XKR4: variants seen among roughly 807,000 people sequenced by gnomAD.
XKR4 encodes XK-related protein 4.
XKR4 carries 12 observed loss-of-function variants against 53.9 expected under a neutral mutation model. The ratio of observed to expected loss-of-function variants is 0.22; its 90% CI spans 0.14 to 0.36. XKR4 has a LOEUF of 0.36. Among genes scored for constraint, XKR4 ranks in the 10% least tolerant of loss-of-function variants. The pLI is 1.00. For synonymous variants in XKR4, 354 were observed against 362.4 expected, an observed-to-expected ratio of 0.98 and a Z score of 0.26; for missense variants, 799 against 859.5, an observed-to-expected ratio of 0.93 and a Z score of 0.88.
intron 1 of XKR4, among the ~76,000 whole-genome samples, chr8:55,121,933 C>T (rs1007707323): frequency 3.9e-5 from 6 of 152,086 alleles, no homozygotes; most frequent in Non-Finnish European, 8.8e-5. Context: ...CTGATTCACT[C>T]ACCTCTGCTC....
chr8:55,409,909 T>C (rs1804750114), intron 2 of XKR4, among the ~76,000 whole-genome samples: 1 of 152,188 alleles, frequency 6.6e-6, no homozygotes, highest in African/African-American at 2.4e-5. Flanking sequence ...TTAAATACTT[T>C]TGCTGTAGCA....
intron 1 of XKR4, chr8:55,140,104 C>T: frequency 2.4e-6 from 1 of 417,706 alleles, no homozygotes; most frequent in Non-Finnish European, 4.7e-6. Flanking sequence ...TAAGAGTTTA[C>T]CAGGTGAATT....
At chr8:55,195,494 G>A (rs574789420) in intron 1 of XKR4, among the ~76,000 whole-genome samples, 1 of 98,058 alleles carries the variant, frequency 1.0e-5, no homozygotes, top group African/African-American at 3.4e-5. Flanking sequence ...TTATTAGCCT[G>A]AAATACAGTA....
chr8:55,476,844 G>T (rs1239803535), intron 2 of XKR4, among the ~76,000 whole-genome samples: 2 of 152,100 alleles, frequency 1.3e-5, no homozygotes, highest in Admixed American at 6.5e-5. Flanking sequence ...GAGGCTGGGG[G>T]AGGGGCACCT....
At chr8:55,458,276 A>T (rs1805599780) in intron 2 of XKR4, among the ~76,000 whole-genome samples, 1 of 152,216 alleles carries the variant, frequency 6.6e-6, no homozygotes, top group Non-Finnish European at 1.5e-5. Flanking sequence ...TGGCTTGTTT[A>T]CTCAGCCCAC....
At chr8:55,174,378 T>A (rs1817202775) in intron 1 of XKR4, among the ~76,000 whole-genome samples, 1 of 152,190 alleles carries the variant, frequency 6.6e-6, no homozygotes, top group Non-Finnish European at 1.5e-5. Context: ...AGCTGTTTTT[T>A]CTGCATCCTG....
chr8:55,504,478 G>A (rs1413134676), intron 2 of XKR4, among the ~76,000 whole-genome samples: 2 of 152,024 alleles, frequency 1.3e-5, no homozygotes, highest in East Asian at 1.9e-4. Context: ...GCCTCCCAAA[G>A]TGTTGGGATT....
At chr8:55,248,834 A>G (rs886129767) in intron 1 of XKR4, among the ~76,000 whole-genome samples, 3 of 152,048 alleles carry the variant, frequency 2.0e-5, no homozygotes, top group Non-Finnish European at 2.9e-5. Flanking sequence ...TCCCAGGGCA[A>G]TGTGACATCC....
chr8:55,504,591 C>T (rs1806496323), intron 2 of XKR4, among the ~76,000 whole-genome samples: 1 of 152,012 alleles, frequency 6.6e-6, no homozygotes, highest in Non-Finnish European at 1.5e-5. Flanking sequence ...GAATTGTTCC[C>T]TTCTTTTCAG....
intron 2 of XKR4, chr8:55,451,473 C>T: frequency 2.4e-6 from 3 of 1,239,840 alleles, no homozygotes; most frequent in Non-Finnish European, 3.5e-6. Flanking sequence ...CCAGGCTACT[C>T]GAGTCTGCCT....
intron 2 of XKR4, among the ~76,000 whole-genome samples, chr8:55,482,802 A>G (rs968545734): frequency 6.6e-6 from 1 of 152,192 alleles, no homozygotes; most frequent in Non-Finnish European, 1.5e-5. Flanking sequence ...TTGGATTTCC[A>G]AAACAGAATT....
chr8:55,243,075 A>C (rs1443479159), intron 1 of XKR4, among the ~76,000 whole-genome samples: 1 of 152,186 alleles, frequency 6.6e-6, no homozygotes, highest in Non-Finnish European at 1.5e-5. Flanking sequence ...TTGAAGAGCA[A>C]GTACAGAGGT....
At chr8:55,422,047 T>C (rs1804943021) in intron 2 of XKR4, among the ~76,000 whole-genome samples, 1 of 152,202 alleles carries the variant, frequency 6.6e-6, no homozygotes, top group Non-Finnish European at 1.5e-5. Context: ...AGAATAACTA[T>C]GGCCTATATG....
intron 1 of XKR4, among the ~76,000 whole-genome samples, chr8:55,308,417 G>A (rs921988102): frequency 6.6e-5 from 10 of 152,260 alleles, no homozygotes; most frequent in African/African-American, 2.4e-4. Context: ...CAAGGCAGCA[G>A]GAGAGAGAGT....
intron 1 of XKR4, among the ~76,000 whole-genome samples, chr8:55,336,242 A>C (rs1220418299): frequency 6.6e-6 from 1 of 151,964 alleles, no homozygotes; most frequent in East Asian, 1.9e-4. Flanking sequence ...AATGGGTCTC[A>C]CAAGATCTGA....
At chr8:55,330,021 A>G (rs1385897456) in intron 1 of XKR4, among the ~76,000 whole-genome samples, 1 of 152,238 alleles carries the variant, frequency 6.6e-6, no homozygotes, top group African/African-American at 2.4e-5. Flanking sequence ...AAATATATAT[A>G]AAGGGACTTT....
At chr8:55,170,914 C>T (rs1186021757) in intron 1 of XKR4, among the ~76,000 whole-genome samples, 1 of 152,184 alleles carries the variant, frequency 6.6e-6, no homozygotes, top group Non-Finnish European at 1.5e-5. Context: ...CAAAGTCTCT[C>T]CCCCTCCCTT....
chr8:55,373,266 A>G (rs1648096736), intron 2 of XKR4, among the ~76,000 whole-genome samples: 1 of 152,156 alleles, frequency 6.6e-6, no homozygotes, highest in African/African-American at 2.4e-5. Context: ...TCCGGGGTTC[A>G]AGGGATTCTC....
intron 2 of XKR4, among the ~76,000 whole-genome samples, chr8:55,490,935 C>G (rs1032239904): frequency 1.3e-5 from 2 of 151,796 alleles, no homozygotes; most frequent in Non-Finnish European, 2.9e-5. Context: ...TTTCTGCCCC[C>G]CCCCCACCTT....
Sources: gnomAD v4.1 joint callset for allele counts (sites outside exome capture counted in the v4.1 genomes callset) on GRCh38, gnomAD v4.1.1 for gene constraint, MANE v1.5 for transcripts, NCBI Gene and HGNC (gene_info 2026-07-23, HGNC 2026-07-21) for gene names.